The following SGCZ variants were observed in gnomAD, a reference collection of about 807,000 sequenced individuals.
SGCZ encodes the protein sarcoglycan zeta.
In SGCZ, 40 loss-of-function variants were observed where a neutral mutation model predicts 41.3. The observed-to-expected ratio is 0.97, with a 90% CI of 0.75 to 1.26. The LOEUF (loss-of-function observed/expected upper bound fraction) is 1.26, where lower values mean the gene tolerates loss of function less well. Ranked by LOEUF, SGCZ falls within the 50% of genes most tolerant of loss-of-function variation. SGCZ has a pLI of 0.00. For synonymous variants in SGCZ, 206 were observed against 137.5 expected, an observed-to-expected ratio of 1.50 and a Z score of -3.49; for missense variants, 552 against 369.8, an observed-to-expected ratio of 1.49 and a Z score of -4.04.
chr8:14,718,907 G>C (rs1353088415), intron 1 of SGCZ, among the ~76,000 whole-genome samples: 7 of 147,356 alleles, frequency 4.8e-5, no homozygotes, highest in African/African-American at 1.0e-4. Flanking sequence ...CCATGTGCAG[G>C]TTAGTTACAC....
At chr8:14,632,809 G>A (rs1248477282) in intron 1 of SGCZ, among the ~76,000 whole-genome samples, 1 of 151,938 alleles carries the variant, frequency 6.6e-6, no homozygotes. Flanking sequence ...ATAAAGGGGA[G>A]AAAGTTAATA....
intron 1 of SGCZ, among the ~76,000 whole-genome samples, chr8:14,782,921 T>TC (rs1294911664): frequency 6.6e-6 from 1 of 152,204 alleles, no homozygotes. Flanking sequence ...GCTGAATCTT[T>TC]TTTTTATTAC....
At chr8:15,058,827 T>A (rs780385273) in intron 1 of SGCZ, among the ~76,000 whole-genome samples, 1 of 152,202 alleles carries the variant, frequency 6.6e-6, no homozygotes. Flanking sequence ...CAACTGCAAT[T>A]GGAAAATATT....
At chr8:14,541,163 C>T (rs1415636255) in intron 2 of SGCZ, among the ~76,000 whole-genome samples, 1 of 151,588 alleles carries the variant, frequency 6.6e-6, no homozygotes, top group Non-Finnish European at 1.5e-5. Flanking sequence ...TTTTAAGTTC[C>T]GGGATACAGG....
chr8:14,553,735 G>C (rs1803944606), intron 2 of SGCZ, among the ~76,000 whole-genome samples: 1 of 152,022 alleles, frequency 6.6e-6, no homozygotes, highest in Non-Finnish European at 1.5e-5. Context: ...AAGTCAGAAA[G>C]AGACGATTCT....
chr8:14,571,779 G>A (rs1357093381), intron 1 of SGCZ, among the ~76,000 whole-genome samples: 1 of 152,100 alleles, frequency 6.6e-6, no homozygotes, highest in Non-Finnish European at 1.5e-5. Flanking sequence ...GAAACAGCAC[G>A]AATATTGAAG....
Position 14,698,850 on chromosome 8 carries a change from A to T in SGCZ, c.40-143924T>A, listed in dbSNP as rs117980975. ...ACTTCTAGAAATGAAAGTAGTGTGA[A>T]CACATGTCTCCTCATCCACTATGGG... On this transcript the variant is annotated intron_variant, in intron 1 of 7. Coordinates refer to ENST00000382080, the MANE Select transcript of SGCZ (RefSeq NM_139167.4). Among the ~76,000 whole-genome samples, 1,170 of 152,066 alleles carry T rather than the reference A, an allele frequency of 7.7e-3. 10 individuals are homozygous for T. The highest frequency in any genetic ancestry group is 0.014 in the Middle Eastern group (4 of 294).
intron 1 of SGCZ, among the ~76,000 whole-genome samples, chr8:14,987,132 G>C (rs1585440444): frequency 6.6e-6 from 1 of 151,790 alleles, no homozygotes; most frequent in Non-Finnish European, 1.5e-5. Flanking sequence ...ACTATAATTA[G>C]AAAACTGTTT....
intron 1 of SGCZ, among the ~76,000 whole-genome samples, chr8:14,571,419 C>T (rs1044609895): frequency 6.6e-6 from 1 of 152,110 alleles, no homozygotes; most frequent in Admixed American, 6.5e-5. Context: ...AACACCTGTC[C>T]ACGGAGGCAG....
intron 4 of SGCZ, among the ~76,000 whole-genome samples, chr8:14,212,063 T>C (rs1805827257): frequency 6.6e-6 from 1 of 152,114 alleles, no homozygotes; most frequent in South Asian, 2.1e-4. Flanking sequence ...TTTTGAGTTC[T>C]CTCTTCTTCT....
chr8:14,175,453 C>T (rs527844259), intron 4 of SGCZ, among the ~76,000 whole-genome samples: 3 of 151,956 alleles, frequency 2.0e-5, no homozygotes, highest in African/African-American at 7.2e-5. Context: ...ATAAAATGCC[C>T]ATAAGTAATG....
intron 1 of SGCZ, among the ~76,000 whole-genome samples, chr8:15,212,337 C>T (rs1801259453): frequency 2.0e-5 from 3 of 152,096 alleles, no homozygotes; most frequent in African/African-American, 7.2e-5. Flanking sequence ...TGAAGCCACA[C>T]ACTGGTGGAT....
intron 2 of SGCZ, among the ~76,000 whole-genome samples, chr8:14,450,193 C>G (rs1355821073): frequency 4.6e-5 from 7 of 152,174 alleles, no homozygotes; most frequent in African/African-American, 1.7e-4. Flanking sequence ...TACACAGAAC[C>G]CAAACCCTCA....
chr8:14,108,213 C>A lies in SGCZ; in HGVS notation c.570G>T (p.Gly190=), dbSNP rs1166412087. 3.7e-6 allele frequency: 6 copies of A among 1,614,028 alleles called. No homozygotes were observed. The highest frequency in any genetic ancestry group is 4.2e-6 in the Non-Finnish European group (5 of 1,179,976). Residue 190 remains glycine (G), a synonymous_variant, in exon 6 of 8, where the codon GGG becomes GGT. Coordinates refer to ENST00000382080, the MANE Select transcript of SGCZ (RefSeq NM_139167.4). The stretch of plus-strand genomic sequence containing the variant: ...TGATGTGCGGCGTCTCCACAGAGTG[C>A]CCAAATACGGCTCCTTCAGTGCCTG... ...KVTGTEGAVF[G]HSVETPHIRA...
At chr8:14,544,007 T>C (rs908247725) in intron 2 of SGCZ, among the ~76,000 whole-genome samples, 1 of 152,090 alleles carries the variant, frequency 6.6e-6, no homozygotes, top group South Asian at 2.1e-4. Flanking sequence ...TATCAGCAGA[T>C]GTAAGGAGCC....
At chr8:14,970,508 T>A (rs1801256253) in intron 1 of SGCZ, among the ~76,000 whole-genome samples, 1 of 152,172 alleles carries the variant, frequency 6.6e-6, no homozygotes, top group African/African-American at 2.4e-5. Flanking sequence ...TAGTATGAAG[T>A]ATGGACTATT....
chr8:14,592,454 T>A (rs1375712105), intron 1 of SGCZ, among the ~76,000 whole-genome samples: 1 of 152,156 alleles, frequency 6.6e-6, no homozygotes, highest in East Asian at 1.9e-4. Context: ...CAATTGGCAT[T>A]CTAATGTAAT....
intron 2 of SGCZ, among the ~76,000 whole-genome samples, chr8:14,446,464 A>G (rs1372841380): frequency 6.6e-6 from 1 of 152,196 alleles, no homozygotes; most frequent in Non-Finnish European, 1.5e-5. Context: ...CTGATTCCCA[A>G]ATAAATTGTA....
At chr8:14,630,285 T>A (rs1209277062) in intron 1 of SGCZ, among the ~76,000 whole-genome samples, 1 of 151,958 alleles carries the variant, frequency 6.6e-6, no homozygotes, top group East Asian at 1.9e-4. Flanking sequence ...TTATGTCTGC[T>A]CTGTGGAAAA....
Sources: gnomAD v4.1 joint callset for allele counts (sites outside exome capture counted in the v4.1 genomes callset) on GRCh38, gnomAD v4.1.1 for gene constraint, MANE v1.5 for transcripts, NCBI Gene and HGNC (gene_info 2026-07-23, HGNC 2026-07-21) for gene names.